The following FRMD3 variants were observed in gnomAD, a reference collection of about 807,000 sequenced individuals.
FRMD3 encodes FERM domain containing 3.
FRMD3 carries 33 observed loss-of-function variants against 70.2 expected under a neutral mutation model. The ratio of observed to expected loss-of-function variants is 0.47; its 90% CI spans 0.36 to 0.63. FRMD3 has a LOEUF of 0.63. FRMD3 is among the 20% of genes least tolerant of loss of function. The pLI, the probability that FRMD3 is intolerant of heterozygous loss-of-function variation, is 0.00. For missense variants in FRMD3, 632 were observed against 711.4 expected, an observed-to-expected ratio of 0.89 and a Z score of 1.27; for synonymous variants, 279 against 255.9, an observed-to-expected ratio of 1.09 and a Z score of -0.86.
At chr9:83,283,479 C>G (rs992913979) in intron 13 of FRMD3, among the ~76,000 whole-genome samples, 1 of 149,288 alleles carries the variant, frequency 6.7e-6, no homozygotes, top group Non-Finnish European at 1.5e-5. Flanking sequence ...TGCAGTGAGC[C>G]GAGATCGCAC....
intron 4 of FRMD3, among the ~76,000 whole-genome samples, chr9:83,347,965 C>T (rs916726108): frequency 5.3e-5 from 8 of 152,094 alleles, no homozygotes; most frequent in Admixed American, 1.3e-4. Context: ...TTTAGTCAAA[C>T]GTAGGAAAAT....
chr9:83,359,689 A>G (rs1007546791), intron 3 of FRMD3, among the ~76,000 whole-genome samples: 5 of 152,148 alleles, frequency 3.3e-5, no homozygotes, highest in Admixed American at 2.0e-4. Context: ...AATCTTATAT[A>G]TCTTTTGGTT....
chr9:83,247,874 T>A lies in FRMD3; in HGVS notation c.*44A>T, dbSNP rs2118490448. The stretch of plus-strand genomic sequence containing the variant: ...CCAGGCATTTGCTGAAAAAAAGAAA[T>A]CACTAGCATTGAATATAGCCCTTAG... On this transcript the variant is annotated 3_prime_UTR_variant, in exon 14 of 14. Transcript: ENST00000304195. 2 of 1,582,578 alleles carry A rather than the reference T, an allele frequency of 1.3e-6. No individual in the cohort carries two copies. Among genetic ancestry groups the A allele is most frequent in the East Asian group, 4.7e-5 (2 of 42,532 alleles).
At chr9:83,349,532 A>C (rs1824074120) in intron 4 of FRMD3, 147 bp downstream of exon 4, 6 of 579,430 alleles carry the variant, frequency 1.0e-5, no homozygotes, top group Middle Eastern at 5.3e-4. Context: ...TCAGTGTAAG[A>C]GAAGCATTCC....
intron 1 of FRMD3, among the ~76,000 whole-genome samples, chr9:83,451,332 A>G (rs1176143332): frequency 6.6e-6 from 1 of 151,870 alleles, no homozygotes; most frequent in South Asian, 2.1e-4. Flanking sequence ...CAATAGATAG[A>G]AATGTTAAAC....
At chr9:83,478,220 C>A (rs1161386761) in intron 1 of FRMD3, among the ~76,000 whole-genome samples, 1 of 152,178 alleles carries the variant, frequency 6.6e-6, no homozygotes, top group Admixed American at 6.5e-5. Context: ...TTGGAGACAG[C>A]CACCTAACCA....
chr9:83,483,021 G>A (rs1217842035), intron 1 of FRMD3, among the ~76,000 whole-genome samples: 1 of 152,174 alleles, frequency 6.6e-6, no homozygotes, highest in African/African-American at 2.4e-5. Flanking sequence ...ATCTGGTTCT[G>A]GGGTGTGGGT....
intron 6 of FRMD3, among the ~76,000 whole-genome samples, chr9:83,316,296 T>A (rs570499659): frequency 1.3e-5 from 2 of 151,742 alleles, no homozygotes; most frequent in Admixed American, 6.6e-5. Flanking sequence ...GTAGCTGGGA[T>A]TACTGGTGCC....
intron 10 of FRMD3, among the ~76,000 whole-genome samples, chr9:83,300,533 T>C (rs1197000366): frequency 1.3e-5 from 2 of 152,156 alleles, no homozygotes; most frequent in African/African-American, 4.8e-5. Flanking sequence ...TAATGGACTT[T>C]ATAGACTCAG....
At chr9:83,495,214 G>A (rs1828917598) in intron 1 of FRMD3, among the ~76,000 whole-genome samples, 1 of 152,134 alleles carries the variant, frequency 6.6e-6, no homozygotes, top group South Asian at 2.1e-4. Context: ...AAGAGGGGAG[G>A]AGGAAATTCA....
chr9:83,527,661 G>A (rs1228000659), intron 1 of FRMD3, among the ~76,000 whole-genome samples: 1 of 152,064 alleles, frequency 6.6e-6, no homozygotes, highest in Non-Finnish European at 1.5e-5. Context: ...TCCTGAATCC[G>A]AGTCTGCATT....
intron 13 of FRMD3, among the ~76,000 whole-genome samples, chr9:83,272,675 T>C (rs1441744934): frequency 1.1e-5 from 1 of 93,844 alleles, no homozygotes; most frequent in East Asian, 2.7e-4. Flanking sequence ...TCTGCCCGGC[T>C]GCCCAGTCTG....
intron 1 of FRMD3, among the ~76,000 whole-genome samples, chr9:83,405,213 GTA>G (rs1826065398): frequency 6.6e-6 from 1 of 152,186 alleles, no homozygotes; most frequent in Non-Finnish European, 1.5e-5. Context: ...CCTTGGCAAT[GTA>G]TTAACCTCTC....
chr9:83,521,574 C>A (rs1442865907), intron 1 of FRMD3, among the ~76,000 whole-genome samples: 1 of 152,172 alleles, frequency 6.6e-6, no homozygotes, highest in Non-Finnish European at 1.5e-5. Context: ...AAGTCTGAAA[C>A]AAAACACCCA....
chr9:83,432,830 G>C (rs1827021586), intron 1 of FRMD3, among the ~76,000 whole-genome samples: 1 of 152,156 alleles, frequency 6.6e-6, no homozygotes. Flanking sequence ...TGCTGAAGTA[G>C]GATTTTACTG....
At chr9:83,277,177 T>G (rs1255912904) in intron 13 of FRMD3, among the ~76,000 whole-genome samples, 2 of 152,340 alleles carry the variant, frequency 1.3e-5, no homozygotes, top group East Asian at 3.9e-4. Flanking sequence ...GAATATTTAA[T>G]GTAATGGGAA....
intron 1 of FRMD3, among the ~76,000 whole-genome samples, chr9:83,440,150 T>A (rs1827254045): frequency 6.6e-6 from 1 of 152,138 alleles, no homozygotes; most frequent in Admixed American, 6.5e-5. Context: ...CCCAATTTCT[T>A]TGTAGCCAGT....
In FRMD3 at chr9:83,246,245, T is replaced by G; in HGVS notation, c.*1673A>C. On this transcript the variant is annotated 3_prime_UTR_variant, in exon 14 of 14. Coordinates refer to ENST00000304195, the MANE Select transcript of FRMD3 (RefSeq NM_174938.6). ...TGTACATTAGGGCAGTGGAATGTTT[T>G]CAATCCACAGAGAAGCTCTATGCTC... 1 of 984,704 alleles carries G rather than the reference T, an allele frequency of 1.0e-6. No individual in the cohort carries two copies. Among genetic ancestry groups the G allele is most frequent in the Non-Finnish European group, 1.2e-6 (1 of 829,332 alleles). The allele number at this position is 984,704 out of a possible 1,614,324, so 61.0% of individuals were successfully genotyped here. A position where few individuals can be genotyped will look rare whatever the true frequency, so the allele number is the denominator to read the frequency against.
At chr9:83,501,110 T>C (rs1358274401) in intron 1 of FRMD3, among the ~76,000 whole-genome samples, 2 of 152,236 alleles carry the variant, frequency 1.3e-5, no homozygotes, top group African/African-American at 4.8e-5. Flanking sequence ...TCTATAGATC[T>C]TACATGATAC....
Sources: gnomAD v4.1 joint callset for allele counts (sites outside exome capture counted in the v4.1 genomes callset) on GRCh38, gnomAD v4.1.1 for gene constraint, MANE v1.5 for transcripts, NCBI Gene and HGNC (gene_info 2026-07-23, HGNC 2026-07-21) for gene names.